RBP2: variants seen among roughly 807,000 people sequenced by gnomAD.
RBP2 encodes the protein retinol binding protein 2.
A neutral mutation model predicts 17.0 loss-of-function variants in RBP2; 17 were observed. That is an observed-to-expected ratio of 1.00 (90% confidence interval 0.68 to 1.50). The LOEUF (loss-of-function observed/expected upper bound fraction) is 1.50, where lower values mean the gene tolerates loss of function less well. RBP2 is among the 40% of genes most tolerant of loss of function. The probability of loss-of-function intolerance (pLI) is 0.00; values close to 1 mark genes in which losing one functional copy is unlikely to be tolerated. For synonymous variants in RBP2, 48 were observed against 57.1 expected, an observed-to-expected ratio of 0.84 and a Z score of 0.72; for missense variants, 158 against 168.2, an observed-to-expected ratio of 0.94 and a Z score of 0.33.
chr3:139,459,432 A>G (rs866399135), intron 2 of RBP2, among the ~76,000 whole-genome samples: 31 of 34,054 alleles, frequency 9.1e-4, no homozygotes, highest in African/African-American at 1.8e-3. Context: ...GTGTGTGTGT[A>G]TTCATATTTA....
chr3:139,469,146 C>T (rs763939504), intron 1 of RBP2, among the ~76,000 whole-genome samples: 53 of 152,158 alleles, frequency 3.5e-4, no homozygotes, highest in Admixed American at 2.0e-4. Context: ...ATTCAAAGTG[C>T]AGCTTTGATG....
At chr3:139,469,702 T>C (rs1054976509) in intron 1 of RBP2, among the ~76,000 whole-genome samples, 1 of 151,374 alleles carries the variant, frequency 6.6e-6, no homozygotes, top group Non-Finnish European at 1.5e-5. Context: ...TCTATCTATC[T>C]ATCTATCTAT....
chr3:139,454,683 G>A (rs143570327), intron 3 of RBP2, 46 bp downstream of exon 3: 186 of 1,572,392 alleles, frequency 1.2e-4, no homozygotes, highest in African/African-American at 5.3e-4. Flanking sequence ...CCACAGTAGC[G>A]TGTGTAAGCA....
At chr3:139,474,277 T>G (rs988379517) in intron 1 of RBP2, among the ~76,000 whole-genome samples, 1 of 152,128 alleles carries the variant, frequency 6.6e-6, no homozygotes, top group Non-Finnish European at 1.5e-5. Flanking sequence ...AAGGCTGTTG[T>G]TAGAGGCAGG....
intron 1 of RBP2, among the ~76,000 whole-genome samples, chr3:139,468,907 C>A: frequency 6.6e-6 from 1 of 151,636 alleles, no homozygotes. Flanking sequence ...TTAGCTGCTG[C>A]AGAAGGAAAA....
chr3:139,476,246 T>C (rs1933735402), intron 1 of RBP2, 141 bp downstream of exon 1: 4 of 614,976 alleles, frequency 6.5e-6, no homozygotes, highest in Non-Finnish European at 1.2e-5. Flanking sequence ...ATTCTTATGA[T>C]CTGCCTAATA....
In RBP2 at chr3:139,457,040, C is replaced by T. The variant is rs116595795; in HGVS notation, c.253-2210G>A. ...AGGACGGTGTCGTCTGTCCTCCTCA[C>T]TCCCAGATTGCCTCACACATGATAG... On this transcript the variant is annotated intron_variant, in intron 2 of 3. Transcript: ENST00000232217. Among the ~76,000 whole-genome samples the T allele has an allele frequency of 6.2e-3, 942 of 152,292 alleles. 9 individuals are homozygous for T. The highest frequency in any genetic ancestry group is 0.021 in the African/African-American group (869 of 41,548).
intron 3 of RBP2, among the ~76,000 whole-genome samples, chr3:139,453,737 A>T (rs939154927): frequency 2.6e-5 from 4 of 152,198 alleles, no homozygotes; most frequent in African/African-American, 9.6e-5. Context: ...TCCTCGAAGG[A>T]GGAGGGAAAA....
At chr3:139,459,527 G>T (rs1933112997) in intron 2 of RBP2, among the ~76,000 whole-genome samples, 1 of 150,634 alleles carries the variant, frequency 6.6e-6, no homozygotes, top group Non-Finnish European at 1.5e-5. Flanking sequence ...GGAGGCTGAG[G>T]CAGGAGAATT....
chr3:139,459,794 G>A (rs1933121570), intron 2 of RBP2, among the ~76,000 whole-genome samples: 1 of 151,084 alleles, frequency 6.6e-6, no homozygotes, highest in Non-Finnish European at 1.5e-5. Flanking sequence ...TGGGCAAACT[G>A]TCCTGGGTAC....
intron 2 of RBP2, among the ~76,000 whole-genome samples, chr3:139,460,289 T>A (rs1363737808): frequency 6.6e-6 from 1 of 152,154 alleles, no homozygotes; most frequent in Non-Finnish European, 1.5e-5. Context: ...TGATCCATTA[T>A]CCCCTCAGGG....
At chr3:139,454,979 A>C (rs575413130) in intron 2 of RBP2, 149 bp from the exon 3 acceptor site, 148 of 698,866 alleles carry the variant, frequency 2.1e-4, no homozygotes, top group Non-Finnish European at 3.4e-4. Flanking sequence ...AGATGCTTCC[A>C]ATGTCATTTT....
intron 1 of RBP2, among the ~76,000 whole-genome samples, chr3:139,475,275 C>T (rs557024946): frequency 1.8e-4 from 26 of 146,456 alleles, no homozygotes; most frequent in African/African-American, 6.4e-4. Context: ...GCTGAGATCG[C>T]GCCACTGCAC....
At chr3:139,473,269 C>T (rs1362776765) in intron 1 of RBP2, among the ~76,000 whole-genome samples, 1 of 152,126 alleles carries the variant, frequency 6.6e-6, no homozygotes, top group Non-Finnish European at 1.5e-5. Flanking sequence ...TGTGGCAAAC[C>T]CAAAGGTTAC....
At chr3:139,461,152 T>C (rs1421640457) in intron 2 of RBP2, among the ~76,000 whole-genome samples, 1 of 152,196 alleles carries the variant, frequency 6.6e-6, no homozygotes, top group Non-Finnish European at 1.5e-5. Flanking sequence ...GCAGGAGGGC[T>C]GGTTACTGGG....
At chr3:139,468,716 A>T (rs1933449136) in intron 1 of RBP2, among the ~76,000 whole-genome samples, 1 of 152,100 alleles carries the variant, frequency 6.6e-6, no homozygotes, top group Non-Finnish European at 1.5e-5. Context: ...TCCTCTTCGT[A>T]CTTTGCAGAG....
At chr3:139,453,240 A>G (rs1943342448) in intron 3 of RBP2, 74 bp from the exon 4 acceptor site, 45 of 1,536,266 alleles carry the variant, frequency 2.9e-5, no homozygotes, top group East Asian at 6.8e-5. Flanking sequence ...CCCCCTTGGT[A>G]TCTGGGGGTG....
intron 1 of RBP2, among the ~76,000 whole-genome samples, chr3:139,468,659 AAC>A (rs1229366152): frequency 6.6e-6 from 1 of 150,488 alleles, no homozygotes; most frequent in Non-Finnish European, 1.5e-5. Flanking sequence ...CACACACACA[AAC>A]ACACACACAC....
At chr3:139,462,439 G>A in intron 1 of RBP2, 149 bp from the exon 2 acceptor site, 3 of 804,176 alleles carry the variant, frequency 3.7e-6, no homozygotes, top group Non-Finnish European at 2.0e-6. Flanking sequence ...CTTACTCGTG[G>A]CCAAGTTGGG....
Sources: gnomAD v4.1 joint callset for allele counts (sites outside exome capture counted in the v4.1 genomes callset) on GRCh38, gnomAD v4.1.1 for gene constraint, MANE v1.5 for transcripts, NCBI Gene and HGNC (gene_info 2026-07-23, HGNC 2026-07-21) for gene names.